The following TFCP2 variants were observed in gnomAD, a reference collection of about 807,000 sequenced individuals.
The protein encoded by TFCP2 is alpha-globin transcription factor CP2.
In TFCP2, 33 loss-of-function variants were observed where a neutral mutation model predicts 73.4. That is an observed-to-expected ratio of 0.45 (90% CI 0.34 to 0.60). The LOEUF is 0.60. Ranked by LOEUF, TFCP2 falls within the 20% of genes least tolerant of loss-of-function variation. TFCP2 has a pLI of 0.01. For missense variants in TFCP2, 352 were observed against 604.0 expected (o/e 0.58, Z 4.37); for synonymous variants, 193 against 211.6 (o/e 0.91, Z 0.76).
intron 1 of TFCP2, among the ~76,000 whole-genome samples, chr12:51,142,203 CAAA>C (rs3053458): frequency 3.8e-5 from 2 of 52,738 alleles, no homozygotes; most frequent in African/African-American, 8.6e-5. Flanking sequence ...GACTCTGTCG[CAAA>C]AAAAAAAAAA....
At chr12:51,149,269 G>A (rs991464329) in intron 1 of TFCP2, among the ~76,000 whole-genome samples, 3 of 151,968 alleles carry the variant, frequency 2.0e-5, no homozygotes, top group Admixed American at 6.6e-5. Flanking sequence ...GGGACTCAAG[G>A]GGAAAGCATG....
chr12:51,095,859 C>G, intron 14 of TFCP2, 130 bp downstream of exon 14: 3 of 314,962 alleles, frequency 9.5e-6, no homozygotes, highest in Non-Finnish European at 1.2e-5. Context: ...AAGGAACAAT[C>G]TCTAATATTG....
At chr12:51,149,918 A>G (rs906749839) in intron 1 of TFCP2, among the ~76,000 whole-genome samples, 2 of 152,104 alleles carry the variant, frequency 1.3e-5, no homozygotes, top group Non-Finnish European at 2.9e-5. Context: ...GTTATAAGGT[A>G]TTTTAGACAT....
At chr12:51,107,120 T>C (rs944900649) in intron 7 of TFCP2, 116 bp downstream of exon 7, 4 of 820,762 alleles carry the variant, frequency 4.9e-6, no homozygotes, top group Admixed American at 2.5e-5. Context: ...ACAGAATCCA[T>C]GTGATACTGT....
At chr12:51,159,364 G>A (rs1941604204) in intron 1 of TFCP2, among the ~76,000 whole-genome samples, 1 of 151,174 alleles carries the variant, frequency 6.6e-6, no homozygotes, top group African/African-American at 2.4e-5. Context: ...TTGAGACCGA[G>A]TCTCGCTCTG....
At chr12:51,109,714 AAT>A (rs1491146117) in intron 5 of TFCP2, among the ~76,000 whole-genome samples, 7 of 83,888 alleles carry the variant, frequency 8.3e-5, no homozygotes, top group Non-Finnish European at 9.1e-5. Flanking sequence ...AAGATTGGTG[AAT>A]TTTTTTTTTT....
chr12:51,172,773 G>A lies in TFCP2; in HGVS notation c.-351C>T. The stretch of plus-strand genomic sequence containing the variant: ...GTGGTGGCTTGCTGCTTCCCAGTCA[G>A]ACCAGCAGCAGCCGCAGGAAGCCAG... On this transcript the variant is annotated 5_prime_UTR_variant, in exon 1 of 15. Transcript: ENST00000257915. The A allele has an allele frequency of 5.4e-6, 1 of 185,202 alleles. No individual in the cohort carries two copies. Among genetic ancestry groups the A allele is most frequent in the South Asian group, 1.0e-4 (1 of 9,824 alleles). The allele number at this position is 185,202 out of a possible 1,614,324, so 11.5% of individuals were successfully genotyped here.
intron 1 of TFCP2, among the ~76,000 whole-genome samples, chr12:51,129,901 C>T (rs188419729): frequency 6.6e-6 from 1 of 151,232 alleles, no homozygotes; most frequent in Non-Finnish European, 1.5e-5. Flanking sequence ...ACAATCCCAG[C>T]AATTTGGGAG....
rs1941893751 is a variant in TFCP2, at chr12:51,172,987, C to G, written c.-565G>C. ...ATCCAGGTTTCCGCTGAGCCGACTT[C>G]TCGCCCTCTGTAGCCCCCCACGGCC... On this transcript the variant is annotated 5_prime_UTR_variant, in exon 1 of 15. Transcript: ENST00000257915. 1 of 154,982 alleles carries G rather than the reference C, an allele frequency of 6.5e-6. No homozygotes were observed. The highest frequency in any genetic ancestry group is 1.4e-5 in the Non-Finnish European group (1 of 69,538). The allele number at this position is 154,982 out of a possible 1,614,324, so 9.6% of individuals were successfully genotyped here.
intron 1 of TFCP2, among the ~76,000 whole-genome samples, chr12:51,120,992 T>A (rs1235214566): frequency 6.6e-6 from 1 of 151,886 alleles, no homozygotes; most frequent in Non-Finnish European, 1.5e-5. Context: ...ATCATATTAT[T>A]CTGTTTACTT....
At chr12:51,120,197 AAAAAG>A (rs1238596089) in intron 1 of TFCP2, among the ~76,000 whole-genome samples, 1 of 150,712 alleles carries the variant, frequency 6.6e-6, no homozygotes, top group Non-Finnish European at 1.5e-5. Flanking sequence ...AAAAAAAAAA[AAAAAG>A]AACAACAACA....
At chr12:51,113,308 A>G (rs1320637438) in intron 4 of TFCP2, among the ~76,000 whole-genome samples, 2 of 152,242 alleles carry the variant, frequency 1.3e-5, no homozygotes, top group Admixed American at 6.5e-5. Flanking sequence ...AATTTTAACC[A>G]ATTAGAAATC....
chr12:51,140,070 A>G (rs1941153669), intron 1 of TFCP2, among the ~76,000 whole-genome samples: 1 of 152,220 alleles, frequency 6.6e-6, no homozygotes, highest in African/African-American at 2.4e-5. Context: ...ATCCTTGTTT[A>G]TCAACACTCA....
intron 1 of TFCP2, among the ~76,000 whole-genome samples, chr12:51,165,648 T>C (rs1333782761): frequency 6.6e-6 from 1 of 152,138 alleles, no homozygotes; most frequent in African/African-American, 2.4e-5. Context: ...CATTTCACTT[T>C]GGGATGAAAA....
chr12:51,156,040 T>A (rs1263810073), intron 1 of TFCP2, among the ~76,000 whole-genome samples: 1 of 144,506 alleles, frequency 6.9e-6, no homozygotes, highest in African/African-American at 2.6e-5. Context: ...AGACTCTTTT[T>A]GTCTCAAAAA....
intron 3 of TFCP2, among the ~76,000 whole-genome samples, chr12:51,116,667 G>A (rs1289664808): frequency 6.6e-6 from 1 of 151,136 alleles, no homozygotes; most frequent in Non-Finnish European, 1.5e-5. Flanking sequence ...GCCCAGGTTG[G>A]AGTGCAATGG....
intron 1 of TFCP2, among the ~76,000 whole-genome samples, chr12:51,126,169 C>A (rs1321832772): frequency 2.2e-5 from 3 of 133,756 alleles, no homozygotes; most frequent in Non-Finnish European, 3.1e-5. Context: ...GGAGGCGGAG[C>A]TTGTAGTGAG....
At position 51,098,859 on chromosome 12, in the gene TFCP2, G is replaced by T; in HGVS notation, c.1336C>A (p.Gln446Lys). 3 of 1,614,138 alleles carry T rather than the reference G, an allele frequency of 1.9e-6. No individual in the cohort carries two copies. The highest frequency in any genetic ancestry group is 2.5e-6 in the Non-Finnish European group (3 of 1,180,034). ...TAVELTEKIA[Q>K]LFSISPCQIS... ...TGGCAAGGGGAAATGCTGAAAAGCT[G>T]AGCAATTTTTTCTGTCAATTCAACA... Residue 446 changes from glutamine (Q) to lysine (K), a missense_variant, in exon 13 of 15, where the codon CAG becomes AAG. Coordinates refer to ENST00000257915, the MANE Select transcript of TFCP2 (RefSeq NM_005653.5).
chr12:51,154,223 T>C (rs1196892889), intron 1 of TFCP2, among the ~76,000 whole-genome samples: 1 of 152,204 alleles, frequency 6.6e-6, no homozygotes, highest in East Asian at 1.9e-4. Context: ...GTCATCCTTA[T>C]CTGATGGGGG....
Sources: gnomAD v4.1 joint callset for allele counts (sites outside exome capture counted in the v4.1 genomes callset) on GRCh38, gnomAD v4.1.1 for gene constraint, MANE v1.5 for transcripts, NCBI Gene and HGNC (gene_info 2026-07-23, HGNC 2026-07-21) for gene names.